The following ANKRD55 variants were observed in gnomAD, a reference collection of about 807,000 sequenced individuals.
The protein encoded by ANKRD55 is ankyrin repeat domain-containing protein 55.
Under a neutral mutation model 60.6 loss-of-function variants are expected in ANKRD55, and 41 were observed. The observed-to-expected ratio is 0.68, with a 90% CI of 0.53 to 0.88. The LOEUF (loss-of-function observed/expected upper bound fraction) is 0.88. Ranked by LOEUF, ANKRD55 falls within the 40% of genes least tolerant of loss-of-function variation. The probability of loss-of-function intolerance (pLI) is 0.00; values close to 1 mark genes in which losing one functional copy is unlikely to be tolerated. For missense variants in ANKRD55, 732 were observed against 767.6 expected, an observed-to-expected ratio of 0.95 and a Z score of 0.55; for synonymous variants, 264 against 290.3, an observed-to-expected ratio of 0.91 and a Z score of 0.92.
chr5:56,146,815 C>A (rs1212976608), intron 6 of ANKRD55: 4 of 152,176 alleles, frequency 2.6e-5, no homozygotes, highest in Non-Finnish European at 5.9e-5. Context: ...CTTCTGAGGT[C>A]AGGTGCGTTC....
chr5:56,147,676 G>A (rs1019969609), intron 6 of ANKRD55, among the ~76,000 whole-genome samples: 1 of 152,094 alleles, frequency 6.6e-6, no homozygotes, highest in Non-Finnish European at 1.5e-5. Flanking sequence ...ATATAAATGG[G>A]CTGTGAACAC....
At position 56,220,618 on chromosome 5, in the gene ANKRD55, T is replaced by C. The variant is rs1166993582; in HGVS notation, c.58+12238A>G. ...TCACCTGAGGTCAGGAGTTCAAGAC[T>C]AGCCTGGCCAAAAGGTGAAACCCTG... On this transcript the variant is annotated intron_variant, in intron 2 of 11. Transcript: ENST00000341048. Among the ~76,000 whole-genome samples, 3 of 152,198 alleles carry C rather than the reference T, an allele frequency of 2.0e-5. No individual in the cohort carries two copies. The East Asian group carries it at 5.8e-4, about 29-fold the overall frequency.
intron 2 of ANKRD55, among the ~76,000 whole-genome samples, chr5:56,216,496 G>A (rs1759813655): frequency 6.6e-6 from 1 of 152,210 alleles, no homozygotes; most frequent in South Asian, 2.1e-4. Context: ...CATGTTGAAA[G>A]CTAAAACAGA....
At chr5:56,121,672 G>C (rs912243441) in intron 8 of ANKRD55, among the ~76,000 whole-genome samples, 5 of 152,088 alleles carry the variant, frequency 3.3e-5, no homozygotes, top group Middle Eastern at 3.2e-3. Flanking sequence ...CACCCGGCCA[G>C]TGTTCCACCA....
At chr5:56,176,004 C>T (rs974336497) in intron 4 of ANKRD55, 148 bp downstream of exon 4, 43 of 1,032,496 alleles carry the variant, frequency 4.2e-5, no homozygotes, top group Non-Finnish European at 4.8e-5. Context: ...GGGATATAAA[C>T]GTTGAAGATG....
intron 6 of ANKRD55, among the ~76,000 whole-genome samples, chr5:56,144,520 G>C (rs1254003290): frequency 6.8e-6 from 1 of 146,170 alleles, no homozygotes; most frequent in East Asian, 2.2e-4. Flanking sequence ...GAGGGGAAGA[G>C]AGCAATGTGA....
chr5:56,176,074 C>T (rs1758730150), intron 4 of ANKRD55, 78 bp downstream of exon 4: 2 of 1,568,346 alleles, frequency 1.3e-6, no homozygotes, highest in South Asian at 2.3e-5. Flanking sequence ...CAAGAATGCT[C>T]CTTTGCAACT....
intron 2 of ANKRD55, among the ~76,000 whole-genome samples, chr5:56,199,840 G>A (rs1275280514): frequency 1.3e-5 from 2 of 149,308 alleles, no homozygotes; most frequent in East Asian, 2.0e-4. Flanking sequence ...GCAGTGAGCC[G>A]AGATCGCACC....
At chr5:56,102,390 CAAA>C (rs36060683) in intron 11 of ANKRD55, 101 bp downstream of exon 11, 292 of 671,492 alleles carry the variant, frequency 4.3e-4, no homozygotes, top group Middle Eastern at 1.2e-3. Flanking sequence ...GACTCCATCT[CAAA>C]AAAAAAAAAA....
intron 5 of ANKRD55, among the ~76,000 whole-genome samples, chr5:56,164,591 T>C (rs1357830688): frequency 2.6e-5 from 4 of 152,256 alleles, no homozygotes; most frequent in Non-Finnish European, 5.9e-5. Flanking sequence ...GCCCCGTGGC[T>C]GCTTTCAGAG....
At chr5:56,170,571 A>C in intron 5 of ANKRD55, 123 bp downstream of exon 5, 3 of 193,980 alleles carry the variant, frequency 1.5e-5, no homozygotes, top group Non-Finnish European at 2.5e-5. Context: ...CTGCAACTTC[A>C]AAAAAAAAAA....
intron 2 of ANKRD55, among the ~76,000 whole-genome samples, chr5:56,232,183 A>G (rs1160675675): frequency 2.0e-5 from 3 of 152,264 alleles, no homozygotes; most frequent in Non-Finnish European, 4.4e-5. Context: ...ATACACATAG[A>G]CCACATGGCC....
Position 56,136,576 on chromosome 5 carries a change from C to T in ANKRD55, c.612+7225G>A, listed in dbSNP as rs575973431. Among the ~76,000 whole-genome samples the T allele has an allele frequency of 1.3e-4, 20 of 152,144 alleles. No individual in the cohort carries two copies. In the South Asian group the frequency reaches 3.9e-3, roughly 30 times the overall value. ...CAAAAAAGTAAACCTAGACACAGACCTTATACCTTTCACAAAATTGACTCA... is the reference window on the plus strand; with the variant it reads ...CAAAAAAGTAAACCTAGACACAGACTTTATACCTTTCACAAAATTGACTCA... On this transcript the variant is annotated intron_variant, in intron 7 of 11. Transcript: ENST00000341048.
chr5:56,189,240 G>A (rs564440583), intron 2 of ANKRD55, among the ~76,000 whole-genome samples: 153 of 151,428 alleles, frequency 1.0e-3, no homozygotes, highest in African/African-American at 3.3e-3. Context: ...GAATCCGGGA[G>A]GCGGAGCTTG....
intron 10 of ANKRD55, among the ~76,000 whole-genome samples, chr5:56,105,279 G>A (rs952672483): frequency 1.3e-5 from 2 of 152,090 alleles, no homozygotes; most frequent in Non-Finnish European, 2.9e-5. Flanking sequence ...TAGAGATGGG[G>A]TTTCACCATG....
At chr5:56,100,392 C>T (rs554957878) in intron 11 of ANKRD55, 88 bp from the exon 12 acceptor site, 56 of 1,506,638 alleles carry the variant, frequency 3.7e-5, no homozygotes, top group South Asian at 2.4e-4. Flanking sequence ...TTTTAGGAGT[C>T]GAGGCATTTC....
chr5:56,115,783 T>C (rs933609083), intron 9 of ANKRD55, among the ~76,000 whole-genome samples: 10 of 152,240 alleles, frequency 6.6e-5, no homozygotes, highest in African/African-American at 2.2e-4. Flanking sequence ...TGTTCTCATG[T>C]AAATGTAATG....
intron 3 of ANKRD55, among the ~76,000 whole-genome samples, chr5:56,177,104 T>G (rs911776732): frequency 2.6e-5 from 4 of 152,202 alleles, no homozygotes; most frequent in Non-Finnish European, 5.9e-5. Context: ...AGTTCAGAGT[T>G]GTGGCTGAGT....
At chr5:56,138,397 A>G (rs924173959) in intron 7 of ANKRD55, among the ~76,000 whole-genome samples, 15 of 152,262 alleles carry the variant, frequency 9.9e-5, no homozygotes, top group African/African-American at 3.4e-4. Flanking sequence ...AAGTGCTGGG[A>G]TTACAGGTGT....
Sources: allele counts gnomAD v4.1 joint callset (sites outside exome capture counted in the v4.1 genomes callset), GRCh38; gene constraint gnomAD v4.1.1; transcripts MANE v1.5; gene names NCBI Gene and HGNC (gene_info 2026-07-23, HGNC 2026-07-21).